SEMA3A: variants seen among roughly 807,000 people sequenced by gnomAD.
The protein encoded by SEMA3A is semaphorin 3A.
A neutral mutation model predicts 97.9 loss-of-function variants in SEMA3A; 29 were observed. The ratio of observed to expected loss-of-function variants is 0.30; its 90% CI spans 0.22 to 0.40. The LOEUF (loss-of-function observed/expected upper bound fraction) is 0.40. Ranked by LOEUF, SEMA3A falls within the 10% of genes least tolerant of loss-of-function variation. The probability of loss-of-function intolerance (pLI) is 1.00; values close to 1 mark genes in which losing one functional copy is unlikely to be tolerated. For missense variants in SEMA3A, 763 were observed against 951.3 expected, an observed-to-expected ratio of 0.80 and a Z score of 2.60; for synonymous variants, 321 against 323.7, an observed-to-expected ratio of 0.99 and a Z score of 0.09.
intron 4 of SEMA3A, among the ~76,000 whole-genome samples, chr7:84,062,573 G>A (rs553345114): frequency 3.3e-5 from 5 of 152,328 alleles, no homozygotes; most frequent in South Asian, 2.1e-4. Context: ...CACCACGCGC[G>A]AGCCGAAGCA....
At chr7:84,043,327 CT>C (rs1213795792) in intron 6 of SEMA3A, among the ~76,000 whole-genome samples, 1 of 151,944 alleles carries the variant, frequency 6.6e-6, no homozygotes, top group Non-Finnish European at 1.5e-5. Context: ...AGTAGTGAAA[CT>C]CCATTTTAAA....
At chr7:84,404,835 A>C (rs968755914) in intron 1 of SEMA3A, among the ~76,000 whole-genome samples, 3 of 152,114 alleles carry the variant, frequency 2.0e-5, no homozygotes, top group Non-Finnish European at 2.9e-5. Flanking sequence ...TTTACAGACA[A>C]GCAAATGCTG....
chr7:84,052,221 C>A (rs976210172), intron 5 of SEMA3A, among the ~76,000 whole-genome samples: 1 of 151,976 alleles, frequency 6.6e-6, no homozygotes, highest in African/African-American at 2.4e-5. Flanking sequence ...TGATGCTGGC[C>A]TCATAAAATG....
At position 84,050,645 on chromosome 7, in the gene SEMA3A, C is replaced by T. The variant is rs553100371; in HGVS notation, c.548-4202G>A. On this transcript the variant is annotated intron_variant, in intron 5 of 16. Transcript: ENST00000265362. ...GATGAGTAGGTTGCGAAAATTTTCT[C>T]CCATTTTGTAGGTTGCCTGTTCACT... Among the ~76,000 whole-genome samples, 279 of 152,040 alleles carry T rather than the reference C, an allele frequency of 1.8e-3. 3 individuals carry two copies. The highest frequency in any genetic ancestry group is 6.4e-3 in the African/African-American group (266 of 41,486).
intron 2 of SEMA3A, among the ~76,000 whole-genome samples, chr7:84,366,996 A>AC (rs1003116469): frequency 8.6e-5 from 13 of 151,310 alleles, no homozygotes; most frequent in Admixed American, 2.6e-4. Flanking sequence ...AAAAAAAAAA[A>AC]ACCTTAATTT....
In SEMA3A at chr7:84,130,627, A is replaced by T. The variant is rs145844157; in HGVS notation, c.271-1442T>A. 3.1e-3 allele frequency among the ~76,000 whole-genome samples: 469 copies of T among 152,226 alleles called. 5 individuals carry two copies. The highest frequency in any genetic ancestry group is 0.011 in the African/African-American group (448 of 41,568). Reference sequence around the variant, plus strand: ...TAAGTGTATCATTCTGATAATTAACATTACTCTGACTACTGAATTTCTAGA... The same window carrying T: ...TAAGTGTATCATTCTGATAATTAACTTTACTCTGACTACTGAATTTCTAGA... On this transcript the variant is annotated intron_variant, in intron 2 of 16. Coordinates refer to ENST00000265362, the MANE Select transcript of SEMA3A (RefSeq NM_006080.3).
chr7:84,219,333 T>C (rs925160299), intron 3 of SEMA3A, among the ~76,000 whole-genome samples: 2 of 152,258 alleles, frequency 1.3e-5, no homozygotes, highest in African/African-American at 4.8e-5. Flanking sequence ...TGATATAAGG[T>C]GGGAGAACAT....
intron 3 of SEMA3A, among the ~76,000 whole-genome samples, chr7:84,218,273 A>C (rs2116331700): frequency 6.6e-6 from 1 of 152,176 alleles, no homozygotes; most frequent in South Asian, 2.1e-4. Flanking sequence ...TAATACTAAT[A>C]ATGATTTAAA....
At chr7:84,068,157 G>T (rs1482241233) in intron 4 of SEMA3A, among the ~76,000 whole-genome samples, 3 of 139,652 alleles carry the variant, frequency 2.1e-5, no homozygotes, top group Non-Finnish European at 4.5e-5. Flanking sequence ...ATCATTCTCA[G>T]TAAACTATCG....
intron 1 of SEMA3A, among the ~76,000 whole-genome samples, chr7:84,491,921 C>A (rs947088697): frequency 6.6e-6 from 1 of 152,070 alleles, no homozygotes; most frequent in Admixed American, 6.6e-5. Flanking sequence ...GCTGCTACAA[C>A]CTAATACTCT....
rs544300693 is a variant in SEMA3A, at chr7:84,148,063, C to T, written c.113-13112G>A. 2.0e-5 allele frequency among the ~76,000 whole-genome samples: 3 copies of T among 151,404 alleles called. No homozygotes were observed. The South Asian group carries it at 6.3e-4, about 32-fold the overall frequency. On this transcript the variant is annotated intron_variant, in intron 1 of 16. Transcript: ENST00000265362. ...TAGCTGGTATTACAGGCATGAGCCA[C>T]CATGCCTGGTTAATTTTTGTATTTT... is the stretch of plus-strand genomic sequence containing the variant.
At chr7:84,273,814 T>A (rs1225550816) in intron 3 of SEMA3A, among the ~76,000 whole-genome samples, 1 of 152,082 alleles carries the variant, frequency 6.6e-6, no homozygotes, top group Non-Finnish European at 1.5e-5. Flanking sequence ...GAGTCATGTA[T>A]AACAAACAAT....
At chr7:84,449,436 G>T (rs1805504986) in intron 1 of SEMA3A, among the ~76,000 whole-genome samples, 1 of 151,448 alleles carries the variant, frequency 6.6e-6, no homozygotes, top group Non-Finnish European at 1.5e-5. Flanking sequence ...TAACCAAGAA[G>T]AAAAAAACAA....
chr7:84,454,947 A>T (rs985598949), intron 1 of SEMA3A, among the ~76,000 whole-genome samples: 1 of 152,058 alleles, frequency 6.6e-6, no homozygotes, highest in African/African-American at 2.4e-5. Flanking sequence ...GGTTTAATGT[A>T]ATCTTTAAAA....
intron 1 of SEMA3A, among the ~76,000 whole-genome samples, chr7:84,422,972 G>A (rs1804641754): frequency 6.6e-6 from 1 of 151,970 alleles, no homozygotes; most frequent in Non-Finnish European, 1.5e-5. Flanking sequence ...ACTGTAAAAG[G>A]AGATTTGAAT....
At chr7:84,485,203 C>A (rs1363853197) in intron 1 of SEMA3A, among the ~76,000 whole-genome samples, 1 of 151,968 alleles carries the variant, frequency 6.6e-6, no homozygotes, top group Non-Finnish European at 1.5e-5. Flanking sequence ...AATGTTTGCA[C>A]ATAAACTAAC....
chr7:84,025,658 T>C (rs1187677058), intron 6 of SEMA3A, among the ~76,000 whole-genome samples: 1 of 152,076 alleles, frequency 6.6e-6, no homozygotes, highest in Non-Finnish European at 1.5e-5. Context: ...AAGTTCAAGA[T>C]GAGTCACATC....
At chr7:84,210,859 T>C (rs572796043) in intron 3 of SEMA3A, among the ~76,000 whole-genome samples, 33 of 152,316 alleles carry the variant, frequency 2.2e-4, no homozygotes, top group African/African-American at 7.7e-4. Flanking sequence ...TAAAGCAATA[T>C]TGTCAACACA....
At chr7:84,024,477 C>T (rs1002549674) in intron 6 of SEMA3A, among the ~76,000 whole-genome samples, 6 of 77,032 alleles carry the variant, frequency 7.8e-5, no homozygotes, top group East Asian at 4.2e-4. Flanking sequence ...ACCCAGGAGG[C>T]GGAGGTTGCA....
Sources: allele counts gnomAD v4.1 joint callset (sites outside exome capture counted in the v4.1 genomes callset), GRCh38; gene constraint gnomAD v4.1.1; transcripts MANE v1.5; gene names NCBI Gene and HGNC (gene_info 2026-07-23, HGNC 2026-07-21).